The following CCDC178 variants were observed in gnomAD, a reference collection of about 807,000 sequenced individuals.
CCDC178 encodes coiled-coil domain-containing protein 178.
A neutral mutation model predicts 117.4 loss-of-function variants in CCDC178; 126 were observed. The ratio of observed to expected loss-of-function variants is 1.07; its 90% CI spans 0.93 to 1.24. CCDC178 has a LOEUF of 1.24. Among genes scored for constraint, CCDC178 ranks in the 50% most tolerant of loss-of-function variants. CCDC178 has a pLI of 0.00. For missense variants in CCDC178, 1,030 were observed against 986.9 expected, an observed-to-expected ratio of 1.04 and a Z score of -0.59; for synonymous variants, 283 against 313.4, an observed-to-expected ratio of 0.90 and a Z score of 1.02.
At chr18:33,081,232 T>C (rs1189773718) in intron 21 of CCDC178, among the ~76,000 whole-genome samples, 11 of 152,214 alleles carry the variant, frequency 7.2e-5, no homozygotes, top group Non-Finnish European at 1.3e-4. Context: ...ATAATTGTTT[T>C]AACAATATTA....
intron 21 of CCDC178, among the ~76,000 whole-genome samples, chr18:33,037,460 G>A (rs912511982): frequency 6.6e-6 from 1 of 151,604 alleles, no homozygotes; most frequent in Admixed American, 6.6e-5. Flanking sequence ...TTAACTCCTT[G>A]TTTATTCATT....
At chr18:33,172,178 A>G (rs1276884839) in intron 20 of CCDC178, among the ~76,000 whole-genome samples, 2 of 152,172 alleles carry the variant, frequency 1.3e-5, no homozygotes, top group Non-Finnish European at 2.9e-5. Flanking sequence ...TACAGGTGTG[A>G]GCCACCACGC....
intron 20 of CCDC178, among the ~76,000 whole-genome samples, chr18:33,112,340 A>G (rs931352766): frequency 6.6e-6 from 1 of 151,856 alleles, no homozygotes; most frequent in Non-Finnish European, 1.5e-5. Context: ...ATAAAGTAAC[A>G]TATTAAATTT....
At position 33,122,521 on chromosome 18, in the gene CCDC178, A is replaced by G. The variant is rs9953559; in HGVS notation, c.2239-29611T>C. Among the ~76,000 whole-genome samples, 1,195 of 152,258 alleles carry G rather than the reference A, an allele frequency of 7.8e-3. 13 individuals are homozygous for G. The highest frequency in any genetic ancestry group is 0.027 in the African/African-American group (1,114 of 41,564). ...AGATAATCTATATAAAGGCAAGAAT[A>G]TAACAGGAAAAGTCACTCATACTCC... On this transcript the variant is annotated intron_variant, in intron 20 of 22. Coordinates refer to ENST00000383096, the MANE Select transcript of CCDC178 (RefSeq NM_001105528.4).
At chr18:33,333,738 G>A (rs909845817) in intron 9 of CCDC178, among the ~76,000 whole-genome samples, 1 of 151,598 alleles carries the variant, frequency 6.6e-6, no homozygotes, top group Admixed American at 6.6e-5. Flanking sequence ...TCTCAAACTC[G>A]CGACCTCAGG....
intron 21 of CCDC178, among the ~76,000 whole-genome samples, chr18:33,026,075 C>T (rs1420114786): frequency 6.6e-6 from 1 of 152,030 alleles, no homozygotes; most frequent in Non-Finnish European, 1.5e-5. Context: ...GTGCATTTAC[C>T]TGGATAAAAT....
At chr18:33,243,992 A>C (rs959126563) in intron 15 of CCDC178, among the ~76,000 whole-genome samples, 1 of 152,032 alleles carries the variant, frequency 6.6e-6, no homozygotes, top group African/African-American at 2.4e-5. Context: ...ATTTTAATTT[A>C]TTCTATGCAT....
chr18:33,314,565 G>A (rs547141577), intron 11 of CCDC178, among the ~76,000 whole-genome samples: 45 of 152,226 alleles, frequency 3.0e-4, no homozygotes, highest in African/African-American at 1.0e-3. Flanking sequence ...TAACCAGGAG[G>A]TCCTCAGAAA....
Position 33,047,716 on chromosome 18 carries a change from A to G in CCDC178, c.2388+45045T>C, listed in dbSNP as rs76485068. Among the ~76,000 whole-genome samples the G allele has an allele frequency of 4.3e-4, 66 of 152,096 alleles. 1 individual carries two copies. In the East Asian group the frequency reaches 0.01, roughly 24 times the overall value. ...GCAAAGAACATGGGACTCTAAATGA[A>G]CTCTTAGCTGTCTCTAAGTCTCTAC... On this transcript the variant is annotated intron_variant, in intron 21 of 22. Transcript: ENST00000383096.
At chr18:33,419,082 A>T (rs563292063) in intron 2 of CCDC178, among the ~76,000 whole-genome samples, 1 of 152,170 alleles carries the variant, frequency 6.6e-6, no homozygotes, top group African/African-American at 2.4e-5. Context: ...GTACTGGTAC[A>T]AAAACAGAGA....
At chr18:33,014,710 A>C (rs545325052) in intron 21 of CCDC178, among the ~76,000 whole-genome samples, 3 of 152,338 alleles carry the variant, frequency 2.0e-5, no homozygotes, top group Non-Finnish European at 4.4e-5. Flanking sequence ...GTCATTTAAA[A>C]AATATTTGTC....
At chr18:33,210,605 G>A (rs1016767670) in intron 20 of CCDC178, among the ~76,000 whole-genome samples, 4 of 151,970 alleles carry the variant, frequency 2.6e-5, no homozygotes, top group African/African-American at 9.7e-5. Context: ...TAATTCTACT[G>A]CTCTAATAAA....
At chr18:33,091,624 T>C (rs148423591) in intron 21 of CCDC178, among the ~76,000 whole-genome samples, 2 of 152,186 alleles carry the variant, frequency 1.3e-5, no homozygotes, top group East Asian at 3.9e-4. Flanking sequence ...TGTATCTTCA[T>C]CTTGCTATCA....
chr18:33,411,414 G>T (rs2063851852), intron 3 of CCDC178, among the ~76,000 whole-genome samples: 1 of 151,690 alleles, frequency 6.6e-6, no homozygotes, highest in South Asian at 2.1e-4. Flanking sequence ...TTAATTTGGG[G>T]TCTGTAAATA....
At chr18:33,323,681 A>G (rs750949187) in intron 10 of CCDC178, 48 bp from the exon 11 acceptor site, 1 of 1,164,306 alleles carries the variant, frequency 8.6e-7, no homozygotes, top group Non-Finnish European at 1.2e-6. Context: ...ATGGTTAATT[A>G]AAAATAATAA....
intron 15 of CCDC178, among the ~76,000 whole-genome samples, chr18:33,238,872 G>A (rs1476135059): frequency 6.6e-6 from 1 of 151,992 alleles, no homozygotes; most frequent in African/African-American, 2.4e-5. Context: ...AATTTAAAAA[G>A]AGCAAGAGAA....
At chr18:33,087,550 CAG>C (rs924960500) in intron 21 of CCDC178, among the ~76,000 whole-genome samples, 1 of 147,536 alleles carries the variant, frequency 6.8e-6, no homozygotes, top group Non-Finnish European at 1.5e-5. Flanking sequence ...TTCTAAGAAA[CAG>C]GGGCCAAAGC....
chr18:33,405,460 A>G (rs2063768506), intron 3 of CCDC178, among the ~76,000 whole-genome samples: 1 of 151,872 alleles, frequency 6.6e-6, no homozygotes, highest in Non-Finnish European at 1.5e-5. Context: ...TGGAATCTAC[A>G]TAAGAATACT....
Position 33,333,371 on chromosome 18 carries a change from C to A in CCDC178, c.682G>T (p.Val228Phe), listed in dbSNP as rs770486508. 6.2e-7 allele frequency: 1 copy of A among 1,607,160 alleles called. No homozygotes were observed. Among genetic ancestry groups the A allele is most frequent in the South Asian group, 1.1e-5 (1 of 90,796 alleles). Reference protein sequence around the residue: ...QKEHEAYLSDVIELQWHLEDK... With the variant: ...QKEHEAYLSDFIELQWHLEDK... ...TCAAGATGCCATTGTAATTCTATAA[C>A]ATCACTCAAATAGGCCTCATGTTCT... The change falls in exon 10 of 23, where the codon GTT becomes TTT. Residue 228 changes from valine to phenylalanine, a missense_variant. Physicochemically the swap from Val to Phe is conservative, Grantham distance 50. Coordinates refer to ENST00000383096, the MANE Select transcript of CCDC178 (RefSeq NM_001105528.4).
Sources: allele counts gnomAD v4.1 joint callset (sites outside exome capture counted in the v4.1 genomes callset), GRCh38; gene constraint gnomAD v4.1.1; transcripts MANE v1.5; gene names NCBI Gene and HGNC (gene_info 2026-07-23, HGNC 2026-07-21).